Variants in HECTD4 observed in about 807,000 individuals in gnomAD.
HECTD4 encodes probable E3 ubiquitin-protein ligase HECTD4.
HECTD4 carries 114 observed loss-of-function variants against 471.5 expected under a neutral mutation model. The ratio of observed to expected loss-of-function variants is 0.24; its 90% confidence interval spans 0.21 to 0.28. The LOEUF (loss-of-function observed/expected upper bound fraction) is 0.28, where lower values mean the gene tolerates loss of function less well. Ranked by LOEUF, HECTD4 falls within the 10% of genes least tolerant of loss-of-function variation. The pLI is 1.00. For missense variants in HECTD4, 3,866 were observed against 5,651.5 expected, an observed-to-expected ratio of 0.68 and a Z score of 10.13; for synonymous variants, 2,012 against 2,256.0, an observed-to-expected ratio of 0.89 and a Z score of 3.07.
chr12:112,204,668 C>G, intron 52 of HECTD4, 45 bp from the exon 53 acceptor site: 1 of 1,484,110 alleles, frequency 6.7e-7, no homozygotes, highest in Non-Finnish European at 9.3e-7. Flanking sequence ...AGAGTACACA[C>G]AGATCAACCA....
Position 112,179,102 on chromosome 12 carries a change from C to T in HECTD4, c.11212-20G>A, listed in dbSNP as rs534799321. On this transcript the variant is annotated intron_variant, in intron 63 of 75. Transcript: ENST00000682272. The surrounding 1 kb of genome is among the most constrained non-coding windows in gnomAD (Gnocchi z 4.3). ...CAGGATCTGTGGAGCACAGAGGCAG[C>T]GGGGAGGCTCTCAGGTTCGCCCTGC... 5.6e-5 allele frequency: 91 copies of T among 1,613,812 alleles called. No individual in the cohort carries two copies. The highest frequency in any genetic ancestry group is 1.2e-4 in the Admixed American group (7 of 59,986).
intron 52 of HECTD4, among the ~76,000 whole-genome samples, chr12:112,206,195 G>A (rs767729737): frequency 1.3e-5 from 2 of 152,124 alleles, no homozygotes; most frequent in African/African-American, 2.4e-5. Context: ...AGGACGTTGT[G>A]GGTGAAAGGG....
At chr12:112,349,029 A>G (rs2036205188) in intron 1 of HECTD4, among the ~76,000 whole-genome samples, 1 of 152,188 alleles carries the variant, frequency 6.6e-6, no homozygotes, top group Admixed American at 6.6e-5. Context: ...AAAATACTTA[A>G]AATATAACAT....
chr12:112,237,283 T>C (rs192311020), intron 34 of HECTD4, among the ~76,000 whole-genome samples, 185 bp from the exon 35 acceptor site: 2 of 152,302 alleles, frequency 1.3e-5, no homozygotes, highest in South Asian at 2.1e-4. Flanking sequence ...AATAACTCAA[T>C]GTGGGGGGTA....
rs1482766461 is a variant in HECTD4, at chr12:112,382,376, C to G, written c.-248G>C. 2 of 356,206 alleles carry G rather than the reference C, an allele frequency of 5.6e-6. No individual in the cohort carries two copies. The highest frequency in any genetic ancestry group is 9.8e-6 in the Non-Finnish European group (2 of 203,130). The allele number at this position is 356,206 out of a possible 1,614,324, so 22.1% of individuals were successfully genotyped here. A position where few individuals can be genotyped will look rare whatever the true frequency, so the allele number is the denominator to read the frequency against. ...CGCCGCCGCCCTCAGGAGCAGGATC[C>G]GCCTCTGCCGCTCGGCAACCAACTG... On this transcript the variant is annotated 5_prime_UTR_variant, in exon 1 of 76. Coordinates refer to ENST00000682272, the MANE Select transcript of HECTD4 (RefSeq NM_001388303.1).
rs1195236178 is a variant in HECTD4 at position 112,273,662 on chromosome 12, C to T, written c.1935G>A (p.Glu645=). 1.2e-6 allele frequency: 2 copies of T among 1,613,664 alleles called. No homozygotes were observed. The highest frequency in any genetic ancestry group is 2.7e-5 in the African/African-American group (2 of 74,934). Reference sequence around the variant, plus strand: ...ACCCTGAGTGCACCTCACCTTTGGGCTCAGTGATAATGTGACTGACTCCAA... The same window carrying T: ...ACCCTGAGTGCACCTCACCTTTGGGTTCAGTGATAATGTGACTGACTCCAA... ...QRLGVSHIIT[E]PKEEAITTNE... is the part of the protein sequence containing the mutation. Residue 645 remains glutamate (E), a synonymous_variant, in exon 11 of 76, where the codon GAG becomes GAA. Coordinates refer to ENST00000682272, the MANE Select transcript of HECTD4 (RefSeq NM_001388303.1).
Position 112,313,087 on chromosome 12 carries a change from T to C in HECTD4, c.846A>G (p.Ile282Met), listed in dbSNP as rs2035403031. Residue 282 changes from isoleucine to methionine, a missense_variant, in exon 4 of 76, where the codon ATA becomes ATG. Transcript: ENST00000682272. ...SPSCLLGGKH[I>M]VSWGYEDMLP... is the part of the protein sequence containing the mutation. ...ACATGTCTTCATAACCCCATGATAC[T>C]ATGTGTTTGCCCCCAAGCAAACAGG... The C allele has an allele frequency of 6.5e-7, 1 of 1,535,578 alleles. No homozygotes were observed.
At chr12:112,199,785 C>T (rs7970103) in intron 55 of HECTD4, among the ~76,000 whole-genome samples, 1 of 152,172 alleles carries the variant, frequency 6.6e-6, no homozygotes, top group Non-Finnish European at 1.5e-5. Context: ...GGCTTCACAG[C>T]GAAAGGAGCT....
In HECTD4 at chr12:112,235,871, C is replaced by T. The variant is rs2033491662; in HGVS notation, c.5445-87G>A. On this transcript the variant is annotated intron_variant, in intron 35 of 75. Coordinates refer to ENST00000682272, the MANE Select transcript of HECTD4 (RefSeq NM_001388303.1). The surrounding 1 kb of genome is among the most constrained non-coding windows in gnomAD (Gnocchi z 5.0). The stretch of plus-strand genomic sequence containing the variant: ...GCAAGAGTTCTCTGAATGAAACAAA[C>T]CAATGAAATCTGATTTCACGAGGAA... 4 of 1,144,438 alleles carry T rather than the reference C, an allele frequency of 3.5e-6. No homozygotes were observed. Among genetic ancestry groups the T allele is most frequent in the Non-Finnish European group, 4.9e-6 (4 of 819,400 alleles). 70.9% of individuals were successfully genotyped at this position (1,144,438 alleles called of 1,614,324 possible).
intron 72 of HECTD4, among the ~76,000 whole-genome samples, chr12:112,165,640 C>T (rs201112134): frequency 4.6e-5 from 7 of 152,198 alleles, no homozygotes; most frequent in Middle Eastern, 3.4e-3. Flanking sequence ...CGTGAGCCAC[C>T]GCGCCCGGCC....
chr12:112,263,141 C>G (rs2034187200), intron 17 of HECTD4, among the ~76,000 whole-genome samples: 1 of 152,124 alleles, frequency 6.6e-6, no homozygotes, highest in East Asian at 1.9e-4. Context: ...AAAACTAAGG[C>G]AAGAGAAGTT....
rs115043041 is a variant in HECTD4 at position 112,314,319 on chromosome 12, A to G, written c.785+138T>C. 5.2e-3 allele frequency: 2,409 copies of G among 464,304 alleles called. 41 individuals are homozygous for G. The highest frequency in any genetic ancestry group is 0.041 in the African/African-American group (2,035 of 49,822). 28.8% of individuals were successfully genotyped at this position (464,304 alleles called of 1,614,324 possible). A position where few individuals can be genotyped will look rare whatever the true frequency, so the allele number is the denominator to read the frequency against. On this transcript the variant is annotated intron_variant, in intron 3 of 75. Transcript: ENST00000682272. Reference sequence around the variant, plus strand: ...AAAGATAAAAAATAAAATTCTTAAGAAGGTAAATATGAGTCTATACTTATT... The same window carrying G: ...AAAGATAAAAAATAAAATTCTTAAGGAGGTAAATATGAGTCTATACTTATT...
rs757842270 is a variant in HECTD4 at position 112,265,884 on chromosome 12, T to C, written c.2492A>G (p.His831Arg). The C allele has an allele frequency of 1.2e-6, 2 of 1,612,534 alleles. No homozygotes were observed. Among genetic ancestry groups the C allele is most frequent in the East Asian group, 4.5e-5 (2 of 44,880 alleles). Reference protein sequence around the residue: ...NNRFGSDEDDHYRLNDELLHY... With the variant: ...NNRFGSDEDDRYRLNDELLHY... The stretch of plus-strand genomic sequence containing the variant: ...ATAATATAACTGGTGTCACCTGTAA[T>C]GATCATCCTCATCACTGCCAAATCG... The change falls in exon 15 of 76, where the codon CAT becomes CGT. Residue 831 changes from histidine (H) to arginine (R), a missense_variant. This residue lies in a region of HECTD4 where 525 missense variants were observed against 672.6 expected (regional missense o/e 0.78). Transcript: ENST00000682272.
chr12:112,290,819 G>GC (rs2034861859), intron 7 of HECTD4, among the ~76,000 whole-genome samples: 1 of 138,220 alleles, frequency 7.2e-6, no homozygotes, highest in Non-Finnish European at 1.5e-5. Context: ...TTGCACTCCA[G>GC]CCTGAGCAAC....
chr12:112,306,558 C>T (rs1236565345), intron 6 of HECTD4, among the ~76,000 whole-genome samples: 2 of 152,110 alleles, frequency 1.3e-5, no homozygotes, highest in Non-Finnish European at 2.9e-5. Context: ...GTATCTAACA[C>T]TTATTAAAAA....
Position 112,208,503 on chromosome 12 carries a change from G to T in HECTD4, c.7995C>A (p.Asp2665Glu). 6.3e-7 allele frequency: 1 copy of T among 1,591,508 alleles called. No homozygotes were observed. The highest frequency in any genetic ancestry group is 8.5e-7 in the Non-Finnish European group (1 of 1,171,094). Residue 2665 changes from aspartate to glutamate, a missense_variant, in exon 51 of 76, where the codon GAC (aspartate) becomes GAA (glutamate). Coordinates refer to ENST00000682272, the MANE Select transcript of HECTD4 (RefSeq NM_001388303.1). ...DDESDDDDDD[D>E]IPQEDHYALL... ...CCTGTGGGTCTCTTACCTGAGGGAT[G>T]TCATCATCGTCATCATCATCGCTTT...
chr12:112,231,409 C>A, intron 39 of HECTD4, 104 bp downstream of exon 39: 1 of 1,123,968 alleles, frequency 8.9e-7, no homozygotes, highest in Non-Finnish European at 1.3e-6. Context: ...GGCCTCATTT[C>A]CAAGAGGTCA....
At chr12:112,324,128 A>ATT (rs769319569) in intron 1 of HECTD4, among the ~76,000 whole-genome samples, 1 of 56,530 alleles carries the variant, frequency 1.8e-5, no homozygotes, top group African/African-American at 7.4e-5. Flanking sequence ...TCTTTTTTTT[A>ATT]TTTTTTTTTT....
chr12:112,264,024 C>T (rs1385008394), intron 17 of HECTD4, 60 bp downstream of exon 17: 3 of 1,467,278 alleles, frequency 2.0e-6, no homozygotes, highest in Non-Finnish European at 2.7e-6. Context: ...GAAATTTAGC[C>T]AATTAAGCTG....
Sources: gnomAD v4.1 joint callset for allele counts (sites outside exome capture counted in the v4.1 genomes callset) on GRCh38, gnomAD v4.1.1 for gene constraint, gnomAD v4.1.1 regional missense constraint, Gnocchi (gnomAD v3.1) non-coding constraint, MANE v1.5 for transcripts, NCBI Gene and HGNC (gene_info 2026-07-23, HGNC 2026-07-21) for gene names.